Variants in RHOH observed in about 807,000 individuals in gnomAD.
RHOH encodes rho-related GTP-binding protein RhoH.
Under a neutral mutation model 13.8 loss-of-function variants are expected in RHOH, and 6 were observed. The ratio of observed to expected loss-of-function variants is 0.44; its 90% CI spans 0.24 to 0.86. The LOEUF is 0.86. Among genes scored for constraint, RHOH ranks in the 40% least tolerant of loss-of-function variants. The pLI, the probability that RHOH is intolerant of heterozygous loss-of-function variation, is 0.24. For synonymous variants in RHOH, 117 were observed against 103.0 expected (o/e 1.14, Z -0.82); for missense variants, 147 against 244.5 (o/e 0.60, Z 2.66).
chr4:40,200,527 C>T (rs1007649015), intron 1 of RHOH: 1 of 152,226 alleles, frequency 6.6e-6, no homozygotes. Flanking sequence ...GATTTAGGAA[C>T]CAAGAATCCA....
At chr4:40,220,878 T>G (rs937788227) in intron 1 of RHOH, among the ~76,000 whole-genome samples, 1 of 152,246 alleles carries the variant, frequency 6.6e-6, no homozygotes. Context: ...TTTGTTTTGC[T>G]CAGTTTCTTG....
chr4:40,212,349 A>G (rs553061881), intron 1 of RHOH, among the ~76,000 whole-genome samples: 1 of 152,292 alleles, frequency 6.6e-6, no homozygotes, highest in East Asian at 1.9e-4. Context: ...ACGTTTGAGG[A>G]ATTATTGCAT....
Position 40,242,101 on chromosome 4 carries a change from C to T in RHOH, c.-330-613C>T, listed in dbSNP as rs556801595. Among the ~76,000 whole-genome samples the T allele has an allele frequency of 1.8e-4, 28 of 152,340 alleles. No individual in the cohort carries two copies. The South Asian group carries it at 5.0e-3, about 27-fold the overall frequency. ...ATTTTGGTCTGAAAGACTTTTCCTTCGTCTGGAGCTGGGCTGGCCTTGTGA... is the reference window on the plus strand; with the variant it reads ...ATTTTGGTCTGAAAGACTTTTCCTTTGTCTGGAGCTGGGCTGGCCTTGTGA... On this transcript the variant is annotated intron_variant, in intron 1 of 2. Coordinates refer to ENST00000381799, the MANE Select transcript of RHOH (RefSeq NM_004310.5).
intron 1 of RHOH, among the ~76,000 whole-genome samples, chr4:40,215,498 T>G (rs373861226): frequency 3.9e-5 from 6 of 152,158 alleles, no homozygotes; most frequent in African/African-American, 1.4e-4. Context: ...CCTCGCTCCC[T>G]CCTTCCTTTC....
intron 1 of RHOH, among the ~76,000 whole-genome samples, chr4:40,241,250 CA>C (rs1273283507): frequency 2.6e-5 from 4 of 152,122 alleles, no homozygotes; most frequent in Non-Finnish European, 5.9e-5. Flanking sequence ...AAACATTTGG[CA>C]AAGTGGTCCC....
intron 1 of RHOH, among the ~76,000 whole-genome samples, chr4:40,211,807 T>A (rs2109404831): frequency 6.6e-6 from 1 of 152,286 alleles, no homozygotes; most frequent in African/African-American, 2.4e-5. Context: ...TTTGTTTTGT[T>A]TTGTTTTACT....
chr4:40,244,415 T>G lies in RHOH; in HGVS notation c.*453T>G, dbSNP rs917867393. ...GAAATGCTTGTACGAAGCTCTGCCATATGTTTGTAGTGTTATTATTTTCAC... is the reference window on the plus strand; with the variant it reads ...GAAATGCTTGTACGAAGCTCTGCCAGATGTTTGTAGTGTTATTATTTTCAC... On this transcript the variant is annotated 3_prime_UTR_variant, in exon 3 of 3. Coordinates refer to ENST00000381799, the MANE Select transcript of RHOH (RefSeq NM_004310.5). 4.5e-6 allele frequency: 1 copy of G among 223,726 alleles called. No homozygotes were observed. The highest frequency in any genetic ancestry group is 5.9e-5 in the Admixed American group (1 of 17,050). The allele number at this position is 223,726 out of a possible 1,614,324, so 13.9% of individuals were successfully genotyped here. A position where few individuals can be genotyped will look rare whatever the true frequency, so the allele number is the denominator to read the frequency against.
chr4:40,208,457 A>G (rs992110584), intron 1 of RHOH, among the ~76,000 whole-genome samples: 5 of 152,198 alleles, frequency 3.3e-5, no homozygotes, highest in Non-Finnish European at 5.9e-5. Context: ...ATTATAATCA[A>G]GTTTTTTCTT....
intron 1 of RHOH, among the ~76,000 whole-genome samples, chr4:40,213,602 C>T (rs950876336): frequency 6.6e-5 from 10 of 151,942 alleles, no homozygotes; most frequent in African/African-American, 2.4e-4. Context: ...TCCTAGTTAC[C>T]AAAGAATCGC....
At chr4:40,200,735 C>T (rs1269821525) in intron 1 of RHOH, among the ~76,000 whole-genome samples, 1 of 152,184 alleles carries the variant, frequency 6.6e-6, no homozygotes, top group Non-Finnish European at 1.5e-5. Flanking sequence ...GTCATACCCG[C>T]ATTTTAACAC....
Position 40,242,748 on chromosome 4 carries a change from C to G in RHOH, c.-296C>G, listed in dbSNP as rs968110563. 5.3e-5 allele frequency: 8 copies of G among 152,218 alleles called. No individual in the cohort carries two copies. The highest frequency in any genetic ancestry group is 1.9e-4 in the African/African-American group (8 of 41,436). The allele number at this position is 152,218 out of a possible 1,614,324, so 9.4% of individuals were successfully genotyped here. A position where few individuals can be genotyped will look rare whatever the true frequency, so the allele number is the denominator to read the frequency against. On this transcript the variant is annotated 5_prime_UTR_variant, in exon 2 of 3. Transcript: ENST00000381799. ...TGGCTAGATCCATCAGAAACTGAAG[C>G]CGTGGAGAACGCTCTCGGGGCCTTT...
intron 1 of RHOH, among the ~76,000 whole-genome samples, chr4:40,241,856 C>T (rs1729291714): frequency 6.6e-6 from 1 of 152,128 alleles, no homozygotes; most frequent in African/African-American, 2.4e-5. Context: ...CACCACTGCA[C>T]TCCAGTCTGG....
chr4:40,232,772 A>G (rs1014383270), intron 1 of RHOH, among the ~76,000 whole-genome samples: 1 of 151,986 alleles, frequency 6.6e-6, no homozygotes, highest in Non-Finnish European at 1.5e-5. Context: ...AACTTCTTCT[A>G]CTTCCCCAAA....
Position 40,209,396 on chromosome 4 carries a change from C to T in RHOH, c.-331+12096C>T, listed in dbSNP as rs557164238. On this transcript the variant is annotated intron_variant, in intron 1 of 2. Transcript: ENST00000381799. ...AAAATATTCAAGTGATGAATACAGA[C>T]GATTATTTCTACATTTTAACCTGTA... 1.0e-3 allele frequency: 158 copies of T among 152,178 alleles called. 1 individual carries two copies. The highest frequency in any genetic ancestry group is 3.7e-3 in the African/African-American group (153 of 41,504). The allele number at this position is 152,178 out of a possible 1,614,324, so 9.4% of individuals were successfully genotyped here.
At chr4:40,234,156 T>C (rs1284577248) in intron 1 of RHOH, among the ~76,000 whole-genome samples, 1 of 142,358 alleles carries the variant, frequency 7.0e-6, no homozygotes, top group Non-Finnish European at 1.5e-5. Flanking sequence ...GCCCCAAACA[T>C]GGATACCCAA....
chr4:40,196,772 C>T (rs1278965399), upstream of RHOH: 2 of 140,426 alleles, frequency 1.4e-5, no homozygotes, highest in Non-Finnish European at 3.0e-5. Flanking sequence ...TTCAGTTTTA[C>T]GTAGGGCTTT....
chr4:40,209,134 G>GT (rs1579252345), intron 1 of RHOH, among the ~76,000 whole-genome samples: 1 of 152,204 alleles, frequency 6.6e-6, no homozygotes, highest in Admixed American at 6.5e-5. Context: ...TGACATGAGA[G>GT]TTTTTTCTGA....
At chr4:40,212,871 A>G (rs1220637612) in intron 1 of RHOH, 1 of 152,190 alleles carries the variant, frequency 6.6e-6, no homozygotes, top group African/African-American at 2.4e-5. Flanking sequence ...ACTTCCTTGC[A>G]GGGGATCCTT....
intron 1 of RHOH, among the ~76,000 whole-genome samples, chr4:40,209,844 C>A (rs1725049946): frequency 6.6e-6 from 1 of 152,144 alleles, no homozygotes; most frequent in Non-Finnish European, 1.5e-5. Context: ...CTAGGTAAAT[C>A]ATAAATATAT....
Sources: allele counts gnomAD v4.1 joint callset (sites outside exome capture counted in the v4.1 genomes callset), GRCh38; gene constraint gnomAD v4.1.1; transcripts MANE v1.5; gene names NCBI Gene and HGNC (gene_info 2026-07-23, HGNC 2026-07-21).